The following NXPE2 variants were observed in gnomAD, a reference collection of about 807,000 sequenced individuals.
NXPE2 encodes NXPE family member 2.
Under a neutral mutation model 34.4 loss-of-function variants are expected in NXPE2, and 34 were observed. The ratio of observed to expected loss-of-function variants is 0.99; its 90% CI spans 0.75 to 1.31. NXPE2 has a LOEUF of 1.31. Ranked by LOEUF, NXPE2 falls within the 40% of genes most tolerant of loss-of-function variation. The pLI is 0.00. For missense variants in NXPE2, 649 were observed against 672.5 expected (o/e 0.97, Z 0.39); for synonymous variants, 235 against 231.3 (o/e 1.02, Z -0.15).
the NXPE2 span, among the ~76,000 whole-genome samples, chr11:114,577,030 TATATATATATAAAGTTATATATATATAC>T: frequency 1.1e-4 from 3 of 28,024 alleles, no homozygotes; most frequent in East Asian, 1.6e-3. Flanking sequence ...TATATATACA[TATATATATATAAAGTTATATATATATAC>T]ATATATATAT....
chr11:114,498,349 G>A, the NXPE2 span, among the ~76,000 whole-genome samples: 2 of 152,176 alleles, frequency 1.3e-5, no homozygotes, highest in South Asian at 2.1e-4. Flanking sequence ...TACTTGAGGT[G>A]ATAGAGATCC....
At chr11:114,685,135 T>C (rs1241759140) in intron 2 of NXPE2, among the ~76,000 whole-genome samples, 1 of 152,172 alleles carries the variant, frequency 6.6e-6, no homozygotes, top group Non-Finnish European at 1.5e-5. Flanking sequence ...AAAAAATATA[T>C]ATCCCTTAAT....
the NXPE2 span, among the ~76,000 whole-genome samples, chr11:114,559,636 C>A: frequency 1.3e-5 from 2 of 151,814 alleles, no homozygotes; most frequent in Admixed American, 6.6e-5. Context: ...CCCACACTTT[C>A]TTCTGAGCTT....
At chr11:114,675,424 A>G (rs1950847138), upstream of NXPE2, among the ~76,000 whole-genome samples, 1 of 151,836 alleles carries the variant, frequency 6.6e-6, no homozygotes, top group Non-Finnish European at 1.5e-5. Flanking sequence ...CTCCACCAAA[A>G]AACTGTTAGA....
chr11:114,655,710 C>A, the NXPE2 span, among the ~76,000 whole-genome samples: 1 of 152,174 alleles, frequency 6.6e-6, no homozygotes, highest in South Asian at 2.1e-4. Flanking sequence ...CAGTACCATG[C>A]TGTTTTGGTT....
the NXPE2 span, among the ~76,000 whole-genome samples, chr11:114,636,414 C>A: frequency 2.6e-5 from 4 of 152,052 alleles, no homozygotes; most frequent in Non-Finnish European, 5.9e-5. Flanking sequence ...AAAAAACCAG[C>A]TCCTGGATTC....
the NXPE2 span, among the ~76,000 whole-genome samples, chr11:114,812,882 T>C: frequency 6.6e-6 from 1 of 151,896 alleles, no homozygotes; most frequent in Admixed American, 6.6e-5. Flanking sequence ...GTTATTTCCA[T>C]AAAGTAGACC....
chr11:114,701,636 G>A (rs1483801567), intron 3 of NXPE2, among the ~76,000 whole-genome samples: 6 of 152,116 alleles, frequency 3.9e-5, no homozygotes, highest in Non-Finnish European at 7.4e-5. Flanking sequence ...AAGTCTCATG[G>A]ACCATTCTAT....
chr11:114,471,612 A>G, the NXPE2 span, among the ~76,000 whole-genome samples: 12 of 152,324 alleles, frequency 7.9e-5, no homozygotes, highest in Admixed American at 7.8e-4. Flanking sequence ...GAAAACCTCC[A>G]TGTCCTCATC....
At chr11:114,641,945 AC>A in the NXPE2 span, among the ~76,000 whole-genome samples, 1 of 152,120 alleles carries the variant, frequency 6.6e-6, no homozygotes, top group Non-Finnish European at 1.5e-5. Context: ...AAAGTTTGAC[AC>A]AGAGGACATA....
downstream of NXPE2, among the ~76,000 whole-genome samples, chr11:114,709,858 T>C (rs2459756): frequency 0.91 from 138,887 of 151,834 alleles, 63,559 homozygotes; most frequent in East Asian, 0.93. Context: ...GCCAAGATCA[T>C]GCCATTTCAT....
At chr11:114,722,058 C>T in the NXPE2 span, among the ~76,000 whole-genome samples, 2 of 152,164 alleles carry the variant, frequency 1.3e-5, no homozygotes, top group Non-Finnish European at 2.9e-5. Context: ...AATGGAGTCT[C>T]AACCTTTTCT....
chr11:114,504,086 T>TC, the NXPE2 span, among the ~76,000 whole-genome samples: 1 of 152,180 alleles, frequency 6.6e-6, no homozygotes, highest in Non-Finnish European at 1.5e-5. Context: ...TACTGCAGCT[T>TC]CCCCTGAGCC....
chr11:114,655,914 G>A, the NXPE2 span, among the ~76,000 whole-genome samples: 1 of 152,046 alleles, frequency 6.6e-6, no homozygotes, highest in Admixed American at 6.6e-5. Context: ...CATAGTTTTG[G>A]AACTTCTGGC....
chr11:114,630,829 A>G, the NXPE2 span, among the ~76,000 whole-genome samples: 3 of 151,992 alleles, frequency 2.0e-5, no homozygotes, highest in Non-Finnish European at 4.4e-5. Context: ...ATTTACAAGA[A>G]AAAAACAAAC....
At chr11:114,731,564 T>C in the NXPE2 span, among the ~76,000 whole-genome samples, 2 of 152,218 alleles carry the variant, frequency 1.3e-5, no homozygotes, top group Admixed American at 6.5e-5. Context: ...AAGCTGCTGA[T>C]ACACAGGACT....
the NXPE2 span, among the ~76,000 whole-genome samples, chr11:114,773,808 G>T: frequency 6.6e-6 from 1 of 152,206 alleles, no homozygotes; most frequent in Admixed American, 6.5e-5. Flanking sequence ...CTCTCTGCCT[G>T]ACTGAGTTTA....
At chr11:114,755,656 C>G in the NXPE2 span, among the ~76,000 whole-genome samples, 1 of 151,522 alleles carries the variant, frequency 6.6e-6, no homozygotes, top group Non-Finnish European at 1.5e-5. Context: ...ATTAATCTGT[C>G]TATCCATCCA....
the NXPE2 span, among the ~76,000 whole-genome samples, chr11:114,782,383 T>C: frequency 6.6e-6 from 1 of 152,240 alleles, no homozygotes; most frequent in African/African-American, 2.4e-5. Flanking sequence ...CTGTGAATAC[T>C]GGGAACTTAC....
Sources: gnomAD v4.1 joint callset for allele counts (sites outside exome capture counted in the v4.1 genomes callset) on GRCh38, gnomAD v4.1.1 for gene constraint, MANE v1.5 for transcripts, NCBI Gene and HGNC (gene_info 2026-07-23, HGNC 2026-07-21) for gene names.